The following SIGLEC12 variants were observed in gnomAD, a reference collection of about 807,000 sequenced individuals.
SIGLEC12 encodes the protein sialic acid binding Ig like lectin 12.
Under a neutral mutation model 54.1 loss-of-function variants are expected in SIGLEC12, and 43 were observed. That is an observed-to-expected ratio of 0.80 (90% CI 0.62 to 1.03). The LOEUF (loss-of-function observed/expected upper bound fraction) is 1.03, where lower values mean the gene tolerates loss of function less well. Ranked by LOEUF, SIGLEC12 falls within the 50% of genes least tolerant of loss-of-function variation. The pLI is 0.00. For missense variants in SIGLEC12, 802 were observed against 735.2 expected (o/e 1.09, Z -1.05); for synonymous variants, 357 against 307.6 (o/e 1.16, Z -1.68).
rs6509544 is a variant in SIGLEC12, at chr19:51,500,077, G to C, written c.651C>G (p.His217Gln). 1,359,483 of 1,614,072 alleles carry C rather than the reference G, an allele frequency of 0.84. 575,848 individuals are homozygous for C. The highest frequency in any genetic ancestry group is 0.94 in the African/African-American group (70,850 of 75,032). The change falls in exon 2 of 8, where the codon CAC (histidine) becomes CAG (glutamine). Residue 217 changes from histidine to glutamine, a missense_variant. Physicochemically the swap from His to Gln is conservative, Grantham distance 24. Transcript: ENST00000291707. ...GGTCCCCAAGGAGGAGGAATCGACC[G>C]TGGGTATCCTCTTGCACTTTTCCAC... ...TPSGKVQEDT[H>Q]GRFLLLGDPQ...
intron 7 of SIGLEC12, 120 bp downstream of exon 7, chr19:51,496,760 G>A: frequency 9.1e-7 from 1 of 1,093,402 alleles, no homozygotes; most frequent in African/African-American, 1.5e-5. Flanking sequence ...GGAAAAAGTG[G>A]ACAGGACGTG....
rs754150149 is a variant in SIGLEC12, at chr19:51,496,909, C to T, written c.1570G>A (p.Ala524Thr). Residue 524 changes from alanine (A) to threonine (T), a missense_variant, in exon 7 of 8, where the codon GCA becomes ACA. Coordinates refer to ENST00000291707, the MANE Select transcript of SIGLEC12 (RefSeq NM_053003.4). ...GAGGCTGAGCCCCTGACAGCGTTTG[C>T]GTCCTCCATGCCTGTATCCCCCACG... is the stretch of plus-strand genomic sequence containing the variant. Reference protein sequence around the residue: ...VGVGDTGMEDANAVRGSASQG... With the variant: ...VGVGDTGMEDTNAVRGSASQG... The T allele has an allele frequency of 5.9e-5, 95 of 1,613,986 alleles. No individual in the cohort carries two copies. Among genetic ancestry groups the T allele is most frequent in the African/African-American group, 4.8e-4 (36 of 75,060 alleles).
chr19:51,497,063 G>A, intron 6 of SIGLEC12, 87 bp from the exon 7 acceptor site: 1 of 1,602,080 alleles, frequency 6.2e-7, no homozygotes, highest in East Asian at 2.2e-5. Context: ...TTCCTATTGG[G>A]GAGCTGGAGG....
chr19:51,499,154 G>C lies in SIGLEC12; in HGVS notation c.1135+16C>G. The C allele has an allele frequency of 1.2e-6, 2 of 1,613,870 alleles. No homozygotes were observed. The highest frequency in any genetic ancestry group is 1.1e-5 in the South Asian group (1 of 91,066). Reference sequence around the variant, plus strand: ...GGCTCTGCTCCTCCAGCCCCAGGGAGAGGACTCCATCTTACCTGTGCCATC... The same window carrying C: ...GGCTCTGCTCCTCCAGCCCCAGGGACAGGACTCCATCTTACCTGTGCCATC... On this transcript the variant is annotated intron_variant, in intron 4 of 7. Coordinates refer to ENST00000291707, the MANE Select transcript of SIGLEC12 (RefSeq NM_053003.4).
intron 7 of SIGLEC12, among the ~76,000 whole-genome samples, chr19:51,496,669 G>T (rs1990246851): frequency 6.6e-6 from 1 of 152,084 alleles, no homozygotes; most frequent in Admixed American, 6.5e-5. Context: ...AGGTGAGGAG[G>T]TCCCAGACAG....
chr19:51,491,696 G>C lies in SIGLEC12; in HGVS notation c.1733C>G (p.Pro578Arg). 6.2e-7 allele frequency: 1 copy of C among 1,614,026 alleles called. No individual in the cohort carries two copies. Among genetic ancestry groups the C allele is most frequent in the Non-Finnish European group, 8.5e-7 (1 of 1,179,990 alleles). The part of the protein sequence containing the change: ...LSFHKARPQY[P>R]QEQEAIGYEY... Reference sequence around the variant, plus strand: ...ATAGCCGATGGCCTCCTGTTCCTGTGGGTACTGAGGCCTCGCTTTGTGGAA... The same window carrying C: ...ATAGCCGATGGCCTCCTGTTCCTGTCGGTACTGAGGCCTCGCTTTGTGGAA... The change falls in exon 8 of 8, where the codon CCA becomes CGA. Residue 578 changes from proline (P) to arginine (R), a missense_variant. Pro to Arg is a moderately radical substitution (Grantham distance 103, BLOSUM62 -2). Coordinates refer to ENST00000291707, the MANE Select transcript of SIGLEC12 (RefSeq NM_053003.4).
Position 51,498,290 on chromosome 19 carries a change from G to C in SIGLEC12, c.1136-3C>G. 1 of 1,597,118 alleles carries C rather than the reference G, an allele frequency of 6.3e-7. No homozygotes were observed. The highest frequency in any genetic ancestry group is 1.1e-5 in the South Asian group (1 of 89,552). On this transcript the variant is annotated splice_polypyrimidine_tract_variant and splice_region_variant and intron_variant, in intron 4 of 7. Transcript: ENST00000291707. ...GCCATTCCTCAAGGTTGTGGATGCT[G>C]TAGAGAAAGAGACAGAAGGGCAGAG...
intron 7 of SIGLEC12, among the ~76,000 whole-genome samples, chr19:51,492,684 A>G (rs557666199): frequency 6.2e-4 from 95 of 152,308 alleles, no homozygotes; most frequent in African/African-American, 2.2e-3. Flanking sequence ...GGAAGATGCC[A>G]GGCTGCTTGA....
chr19:51,500,317 G>C lies in SIGLEC12; in HGVS notation c.428-17C>G. ...CCTGGGACGCTGTGGAGAAACGAGG[G>C]TCAGCCCAGCCCCCACTGTCCCTCT... On this transcript the variant is annotated splice_polypyrimidine_tract_variant and intron_variant, in intron 1 of 7. Coordinates refer to ENST00000291707, the MANE Select transcript of SIGLEC12 (RefSeq NM_053003.4). The C allele has an allele frequency of 6.2e-7, 1 of 1,614,098 alleles. No individual in the cohort carries two copies. The highest frequency in any genetic ancestry group is 1.7e-5 in the Admixed American group (1 of 60,002).
rs1269798167 is a variant in SIGLEC12, at chr19:51,499,718, T to C, written c.809-2A>G. ...AGAAGGTGGGCATGTGAGTCAGGGC[T>C]GGTGATGAAAGGGAGACAGGCAAAA... On this transcript the variant is annotated splice_acceptor_variant, in intron 2 of 7. Coordinates refer to ENST00000291707, the MANE Select transcript of SIGLEC12 (RefSeq NM_053003.4). LOFTEE classifies it high-confidence loss of function. 2 of 1,613,674 alleles carry C rather than the reference T, an allele frequency of 1.2e-6. No homozygotes were observed.
intron 7 of SIGLEC12, among the ~76,000 whole-genome samples, chr19:51,493,574 A>G (rs550382998): frequency 6.6e-6 from 1 of 152,160 alleles, no homozygotes; most frequent in Non-Finnish European, 1.5e-5. Flanking sequence ...CTTTTTTTGC[A>G]CAATCTTTTC....
chr19:51,497,331 C>G lies in SIGLEC12; in HGVS notation c.1502+18G>C. 1 of 1,607,504 alleles carries G rather than the reference C, an allele frequency of 6.2e-7. No individual in the cohort carries two copies. The highest frequency in any genetic ancestry group is 1.1e-5 in the South Asian group (1 of 90,848). The stretch of plus-strand genomic sequence containing the variant: ...CTGCCCTCCCCCAAGGCTCTTCCTC[C>G]CCAGGGTCAATGCTCACACAACGAA... On this transcript the variant is annotated intron_variant, in intron 6 of 7. Coordinates refer to ENST00000291707, the MANE Select transcript of SIGLEC12 (RefSeq NM_053003.4).
chr19:51,497,369 G>C lies in SIGLEC12; in HGVS notation c.1482C>G (p.Tyr494Ter). The C allele has an allele frequency of 6.2e-7, 1 of 1,613,274 alleles. No homozygotes were observed. The change falls in exon 6 of 8, where the codon TAC (tyrosine) becomes TAG (stop). Residue 494 changes from tyrosine to a stop codon, truncating the protein, a stop_gained. Transcript: ENST00000291707. LOFTEE classifies it high-confidence loss of function. ...CTCACACAACGAAGATGATGCAGAA[G>C]TACAGGAAGACCAGGGCTGTGGCTC... ...GAGATALVFL[Y>*]FCIIFVVVRS... is the part of the protein sequence containing the mutation.
chr19:51,499,592 C>A lies in SIGLEC12; in HGVS notation c.933G>T (p.Gly311=). The change falls in exon 3 of 8, where the codon GGG becomes GGT. Residue 311 remains glycine (G), a synonymous_variant. Coordinates refer to ENST00000291707, the MANE Select transcript of SIGLEC12 (RefSeq NM_053003.4). ...QGTPPTITWM[G]ASVSSLDPTI... The stretch of plus-strand genomic sequence containing the variant: ...TGGGGTCCAGGGAGGACACGGAGGC[C>A]CCCATCCAGGTGATCGTGGGGGGCG... The A allele has an allele frequency of 6.2e-7, 1 of 1,612,956 alleles. No individual in the cohort carries two copies. The highest frequency in any genetic ancestry group is 8.5e-7 in the Non-Finnish European group (1 of 1,179,450).
At chr19:51,501,131 T>C (rs571998519) in intron 1 of SIGLEC12, among the ~76,000 whole-genome samples, 176 bp downstream of exon 1, 117 of 152,114 alleles carry the variant, frequency 7.7e-4, no homozygotes, top group African/African-American at 2.4e-3. Flanking sequence ...GGGGAGGGGC[T>C]TGCAGGATCA....
In SIGLEC12 at chr19:51,498,174, TC is replaced by T. The variant is rs1289779974; in HGVS notation, c.1248del (p.Ser417AlafsTer2). ...NPPARLSWTW[G>X]SLTLSPSQSS... Reference sequence around the variant, plus strand: ...GACTGTGAGGGGCTCAGGGTCAGGCTCCCCCAGGTCCAGCTCAGCCTGGCAG... The same window carrying T: ...GACTGTGAGGGGCTCAGGGTCAGGCTCCCCAGGTCCAGCTCAGCCTGGCAG... On this transcript the variant is annotated frameshift_variant, in exon 5 of 8. Coordinates refer to ENST00000291707, the MANE Select transcript of SIGLEC12 (RefSeq NM_053003.4). LOFTEE classifies it high-confidence loss of function. 1 of 1,613,920 alleles carries T rather than the reference TC, an allele frequency of 6.2e-7. No individual in the cohort carries two copies. Among genetic ancestry groups the T allele is most frequent in the Non-Finnish European group, 8.5e-7 (1 of 1,179,970 alleles).
chr19:51,495,397 ATGGGTGGGTGGG>A (rs779173080), intron 7 of SIGLEC12, among the ~76,000 whole-genome samples: 1 of 51,854 alleles, frequency 1.9e-5, no homozygotes, highest in African/African-American at 8.3e-5. Flanking sequence ...GGATGGATGG[ATGGGTGGGTGGG>A]TGGGTGGATG....
rs1311010903 is a variant in SIGLEC12, at chr19:51,500,289, G to A, written c.439C>T (p.Leu147=). 6.2e-7 allele frequency: 1 copy of A among 1,614,182 alleles called. No homozygotes were observed. The highest frequency in any genetic ancestry group is 8.5e-7 in the Non-Finnish European group (1 of 1,180,038). Residue 147 remains leucine, a synonymous_variant, in exon 2 of 8, where the codon CTA becomes TTA. Coordinates refer to ENST00000291707, the MANE Select transcript of SIGLEC12 (RefSeq NM_053003.4). The stretch of plus-strand genomic sequence containing the variant: ...ACCTCCAGCCTGTATCTTGACAGTA[G>A]GTCCTGGGACGCTGTGGAGAAACGA... ...LSVNVTASQD[L]LSRYRLEVPE... is the part of the protein sequence containing the mutation.
chr19:51,499,099 G>A, intron 4 of SIGLEC12, 71 bp downstream of exon 4: 1 of 1,545,626 alleles, frequency 6.5e-7, no homozygotes, highest in Non-Finnish European at 8.9e-7. Flanking sequence ...CAGGTCACCA[G>A]GGTGAGTCCT....
Sources: allele counts gnomAD v4.1 joint callset (sites outside exome capture counted in the v4.1 genomes callset), GRCh38; gene constraint gnomAD v4.1.1; transcripts MANE v1.5; gene names NCBI Gene and HGNC (gene_info 2026-07-23, HGNC 2026-07-21).